PDE4DIP: variants seen among roughly 807,000 people sequenced by gnomAD.
The protein encoded by PDE4DIP is myomegalin.
Under a neutral mutation model 221.4 loss-of-function variants are expected in PDE4DIP, and 59 were observed. That is an observed-to-expected ratio of 0.27 (90% CI 0.22 to 0.33). The LOEUF (loss-of-function observed/expected upper bound fraction) is 0.33. Ranked by LOEUF, PDE4DIP falls within the 10% of genes least tolerant of loss-of-function variation. PDE4DIP has a pLI of 1.00. For synonymous variants in PDE4DIP, 404 were observed against 815.9 expected (o/e 0.50, Z 8.60); for missense variants, 1,036 against 2,154.2 (o/e 0.48, Z 10.28).
chr1:148,822,313 T>C (rs1199559250), intron 1 of PDE4DIP, among the ~76,000 whole-genome samples: 1 of 124,132 alleles, frequency 8.1e-6, no homozygotes, highest in African/African-American at 2.9e-5. Context: ...CTGGTACTGG[T>C]TCTGGCCTGT....
chr1:149,032,391 G>A (rs2076951650), exon 44 of PDE4DIP: 4 of 476,506 alleles, frequency 8.4e-6, no homozygotes, highest in South Asian at 4.6e-5. Context: ...CGATGAAAGG[G>A]GCACGTGGTC....
intron 5 of PDE4DIP, among the ~76,000 whole-genome samples, chr1:148,950,804 T>G (rs1439361036): frequency 7.2e-6 from 1 of 138,530 alleles, no homozygotes; most frequent in Non-Finnish European, 1.6e-5. Flanking sequence ...GGGATTACAA[T>G]TCAACATGAG....
chr1:148,885,868 A>G (rs1289585501), upstream of PDE4DIP, among the ~76,000 whole-genome samples: 2 of 114,804 alleles, frequency 1.7e-5, no homozygotes, highest in Non-Finnish European at 3.7e-5. Context: ...GCTACAACAT[A>G]TATATTATAC....
At position 148,843,487 on chromosome 1, in the gene PDE4DIP, C is replaced by T. The variant is rs2150129812; in HGVS notation, c.234-19763C>T. On this transcript the variant is annotated intron_variant, in intron 1 of 45. Transcript: ENST00000524974. ...GGTCTCAAATTTATCATCTCTGAAACAAGTACAACGAAATTAACATTGCCA... is the reference window on the plus strand; with the variant it reads ...GGTCTCAAATTTATCATCTCTGAAATAAGTACAACGAAATTAACATTGCCA... Among the ~76,000 whole-genome samples, 2 of 73,156 alleles carry T rather than the reference C, an allele frequency of 2.7e-5. 1 individual carries two copies. Among genetic ancestry groups the T allele is most frequent in the South Asian group, 1.3e-3 (2 of 1,568 alleles). 48.0% of individuals were successfully genotyped at this position (73,156 alleles called of 152,430 possible). A position where few individuals can be genotyped will look rare whatever the true frequency, so the allele number is the denominator to read the frequency against.
rs587678408 is a variant in PDE4DIP at position 149,021,296 on chromosome 1, G to A, written c.6085+143G>A. 3.1e-3 allele frequency: 2,128 copies of A among 676,244 alleles called. 11 individuals are homozygous for A. Among genetic ancestry groups the A allele is most frequent in the Admixed American group, 4.2e-3 (182 of 43,064 alleles). 41.9% of individuals were successfully genotyped at this position (676,244 alleles called of 1,614,324 possible). ...CCCCCACCCGAGCCTGGGGCTCCCA[G>A]TAGGAGCTCTCAAACACAAAGCCCA... On this transcript the variant is annotated intron_variant, in intron 37 of 43. Transcript: ENST00000369354.
At chr1:148,877,019 A>T (rs1558635664) in intron 3 of PDE4DIP, among the ~76,000 whole-genome samples, 1 of 145,716 alleles carries the variant, frequency 6.9e-6, no homozygotes, top group East Asian at 1.9e-4. Flanking sequence ...CTCAAAAAAA[A>T]CAAAAAAAAA....
chr1:149,024,656 C>T (rs140723870), exon 38 of PDE4DIP: 4 of 656,760 alleles, frequency 6.1e-6, no homozygotes, highest in African/African-American at 5.6e-5. Flanking sequence ...CCAGCACTGA[C>T]CCTGGAAACA....
At position 149,017,890 on chromosome 1, in the gene PDE4DIP, C is replaced by A; in HGVS notation, c.5650+11C>A. The stretch of plus-strand genomic sequence containing the variant: ...CTGCTCGTGGAAGGGGTAGGAGAGG[C>A]CCAGACCTTCCTGTTTCTGGCTCTA... On this transcript the variant is annotated intron_variant, in intron 34 of 43. Coordinates refer to ENST00000369354, the Ensembl canonical transcript of PDE4DIP. The A allele has an allele frequency of 6.3e-7, 1 of 1,576,032 alleles. No individual in the cohort carries two copies. The highest frequency in any genetic ancestry group is 1.7e-4 in the Middle Eastern group (1 of 5,922).
chr1:148,916,962 C>G (rs1171300770), intron 1 of PDE4DIP, among the ~76,000 whole-genome samples: 1 of 149,818 alleles, frequency 6.7e-6, no homozygotes, highest in African/African-American at 2.5e-5. Flanking sequence ...CACAAGGTGT[C>G]CTGGGGCATT....
chr1:149,010,725 C>A (rs1252154210), intron 31 of PDE4DIP, 130 bp downstream of exon 34: 20 of 740,132 alleles, frequency 2.7e-5, no homozygotes, highest in Middle Eastern at 4.0e-4. Context: ...AATCGAGAAA[C>A]CATCCTCATT....
intron 17 of PDE4DIP, among the ~76,000 whole-genome samples, chr1:148,975,717 T>A (rs1778103): frequency 3.3e-5 from 5 of 150,712 alleles, no homozygotes; most frequent in African/African-American, 1.2e-4. Flanking sequence ...GGACCACAGC[T>A]CAGAGTTACA....
rs587775246 is a variant in PDE4DIP at position 148,960,143 on chromosome 1, T to A, written c.637-511T>A. Among the ~76,000 whole-genome samples the A allele has an allele frequency of 2.1e-3, 318 of 152,354 alleles. 1 individual carries two copies. Among genetic ancestry groups the A allele is most frequent in the Non-Finnish European group, 3.3e-3 (223 of 67,998 alleles). ...CAGTACAATTATCAAATTTAGAAAA[T>A]TAGACATTGATAAAATACTGTTACC... On this transcript the variant is annotated intron_variant, in intron 5 of 43. Transcript: ENST00000369354.
intron 24 of PDE4DIP, among the ~76,000 whole-genome samples, chr1:149,002,608 T>C (rs1387554849): frequency 1.3e-5 from 2 of 152,030 alleles, no homozygotes; most frequent in Non-Finnish European, 2.9e-5. Flanking sequence ...TGAGAAAACA[T>C]TTCCTGAGAG....
chr1:149,023,987 C>T (rs1409157279), intron 37 of PDE4DIP, among the ~76,000 whole-genome samples: 2 of 149,664 alleles, frequency 1.3e-5, no homozygotes, highest in African/African-American at 4.9e-5. Context: ...AGTTATAATC[C>T]CTCGTCTAAG....
At chr1:148,960,807 A>G (rs587758931) in intron 6 of PDE4DIP, 22 bp downstream of exon 9, 65 of 417,384 alleles carry the variant, frequency 1.6e-4, no homozygotes, top group South Asian at 6.4e-4. Context: ...ACTATGCCCT[A>G]GGAGATGACA....
chr1:149,028,590 C>T lies in PDE4DIP; in HGVS notation c.6700C>T (p.Arg2234Trp), dbSNP rs142861673. ...AGGCAGCAAAGGTATTCATGAGCTTCGGAGCAGCACCAGTGCCCTGCACCA... is the reference window on the plus strand; with the variant it reads ...AGGCAGCAAAGGTATTCATGAGCTTTGGAGCAGCACCAGTGCCCTGCACCA... Residue 2234 changes from arginine (R) to tryptophan (W), a missense_variant, in exon 41 of 44, where the codon CGG (arginine) becomes TGG (tryptophan). Arg to Trp is a moderately radical substitution (Grantham distance 101). Coordinates refer to ENST00000369354, the Ensembl canonical transcript of PDE4DIP. The T allele has an allele frequency of 5.8e-4, 938 of 1,610,798 alleles. 1 individual carries two copies. The highest frequency in any genetic ancestry group is 7.6e-4 in the South Asian group (69 of 90,762).
At chr1:148,881,538 T>A (rs1693658961) in intron 3 of PDE4DIP, among the ~76,000 whole-genome samples, 1 of 141,296 alleles carries the variant, frequency 7.1e-6, no homozygotes, top group South Asian at 2.2e-4. Flanking sequence ...GAGAGCCAAC[T>A]TTAGTTTATT....
At chr1:148,906,964 G>T (rs2041970793) in intron 1 of PDE4DIP, among the ~76,000 whole-genome samples, 1 of 151,032 alleles carries the variant, frequency 6.6e-6, no homozygotes, top group Non-Finnish European at 1.5e-5. Flanking sequence ...CAGGAGAATT[G>T]CTTGAACCTG....
rs372649561 is a variant in PDE4DIP, at chr1:148,980,884, C to T, written c.2688-386C>T. 5.8e-4 allele frequency among the ~76,000 whole-genome samples: 89 copies of T among 152,354 alleles called. No individual in the cohort carries two copies. The Middle Eastern group carries it at 0.01, about 17-fold the overall frequency. ...ACAAATATCTTCAGTAGTGGTTCTA[C>T]TTGGCTCAGTCTTGCTCCAGTTTAT... On this transcript the variant is annotated intron_variant, in intron 20 of 43. Transcript: ENST00000369354.
Sources: allele counts gnomAD v4.1 joint callset (sites outside exome capture counted in the v4.1 genomes callset), GRCh38; gene constraint gnomAD v4.1.1; transcripts MANE v1.5; gene names NCBI Gene and HGNC (gene_info 2026-07-23, HGNC 2026-07-21).